The following TOM1L1 variants were observed in gnomAD, a reference collection of about 807,000 sequenced individuals.
TOM1L1 encodes target of myb1 like 1 membrane trafficking protein.
A neutral mutation model predicts 63.4 loss-of-function variants in TOM1L1; 64 were observed. The observed-to-expected ratio is 1.01, with a 90% CI of 0.83 to 1.24. The LOEUF (loss-of-function observed/expected upper bound fraction) is 1.24, where lower values mean the gene tolerates loss of function less well. Among genes scored for constraint, TOM1L1 ranks in the 50% most tolerant of loss-of-function variants. The pLI, the probability that TOM1L1 is intolerant of heterozygous loss-of-function variation, is 0.00. For synonymous variants in TOM1L1, 166 were observed against 194.4 expected (o/e 0.85, Z 1.22); for missense variants, 536 against 567.0 (o/e 0.95, Z 0.55).
rs148143284 is a variant in TOM1L1, at chr17:54,913,755, C to A, written c.380C>A (p.Ser127Ter). Residue 127 changes from serine (S) to a stop codon, truncating the protein, a stop_gained, in exon 5 of 16, where the codon TCA becomes TAA. Transcript: ENST00000575882. LOFTEE classifies it high-confidence loss of function. ...NRILNFIKTW[S>*]QGFPGGVDVS... ...TTCATCTCTTGAATTCAGACTTGGT[C>A]ACAGGGCTTCCCAGGAGGTGTGGAT... 4 of 1,603,074 alleles carry A rather than the reference C, an allele frequency of 2.5e-6. No individual in the cohort carries two copies. The highest frequency in any genetic ancestry group is 2.7e-5 in the African/African-American group (2 of 74,208).
intron 7 of TOM1L1, among the ~76,000 whole-genome samples, chr17:54,926,010 T>C (rs2048763321): frequency 6.6e-6 from 1 of 152,232 alleles, no homozygotes; most frequent in South Asian, 2.1e-4. Flanking sequence ...CTTTGGAACC[T>C]ATTCCTTGTC....
chr17:54,935,827 A>G (rs1010856683), intron 8 of TOM1L1, among the ~76,000 whole-genome samples: 2 of 152,172 alleles, frequency 1.3e-5, no homozygotes, highest in Non-Finnish European at 2.9e-5. Context: ...TGTCTTATAA[A>G]AATACACAGT....
chr17:54,919,824 ACT>A (rs2048652172), intron 7 of TOM1L1, among the ~76,000 whole-genome samples: 1 of 151,988 alleles, frequency 6.6e-6, no homozygotes, highest in Admixed American at 6.6e-5. Context: ...CATCTAAATA[ACT>A]CCACTATGGT....
chr17:54,944,354 G>C (rs2049082910), intron 11 of TOM1L1, among the ~76,000 whole-genome samples: 1 of 151,684 alleles, frequency 6.6e-6, no homozygotes, highest in South Asian at 2.1e-4. Context: ...GGAGGCTGAG[G>C]CATGAGAATT....
chr17:54,948,449 C>T (rs145810043), intron 12 of TOM1L1, among the ~76,000 whole-genome samples: 1 of 152,270 alleles, frequency 6.6e-6, no homozygotes, highest in African/African-American at 2.4e-5. Context: ...CACTCTATTC[C>T]AACCACACTG....
At chr17:54,935,904 C>T (rs908108634) in intron 8 of TOM1L1, among the ~76,000 whole-genome samples, 1 of 152,092 alleles carries the variant, frequency 6.6e-6, no homozygotes, top group African/African-American at 2.4e-5. Flanking sequence ...GGGCGGATCA[C>T]CTGAGGTCGG....
In TOM1L1 at chr17:54,938,966, C is replaced by T. The variant is rs775577326; in HGVS notation, c.1076C>T (p.Pro359Leu). The T allele has an allele frequency of 5.0e-6, 8 of 1,612,636 alleles. No individual in the cohort carries two copies. Among genetic ancestry groups the T allele is most frequent in the Admixed American group, 1.7e-5 (1 of 59,826 alleles). Reference protein sequence around the residue: ...PSSDVTNNLKPSLHPQMNLLA... With the variant: ...PSSDVTNNLKLSLHPQMNLLA... ...TCTGATGTAACAAACAACTTAAAAC[C>T]CAGTCTTCATCCACAGATGAACTTG... Residue 359 changes from proline to leucine, a missense_variant, in exon 11 of 16, where the codon CCC becomes CTC. By Grantham distance (98) the Pro-to-Leu change is moderately conservative (BLOSUM62 -3). Transcript: ENST00000575882.
intron 3 of TOM1L1, among the ~76,000 whole-genome samples, chr17:54,909,412 C>T (rs1555607572): frequency 6.6e-6 from 1 of 152,072 alleles, no homozygotes; most frequent in South Asian, 2.1e-4. Flanking sequence ...CCAGGTGTAG[C>T]TCTGATGGCC....
intron 7 of TOM1L1, among the ~76,000 whole-genome samples, chr17:54,918,609 C>G (rs1216195717): frequency 6.6e-6 from 1 of 152,142 alleles, no homozygotes; most frequent in African/African-American, 2.4e-5. Context: ...GCTACATAAC[C>G]AGGTCAGATT....
At chr17:54,915,912 T>C (rs760742091) in intron 7 of TOM1L1, 50 bp downstream of exon 7, 8 of 1,435,256 alleles carry the variant, frequency 5.6e-6, no homozygotes, top group Non-Finnish European at 7.8e-6. Context: ...TTAAAGTTAT[T>C]CTCTAAACTT....
At chr17:54,946,782 T>TA (rs2049126468) in intron 11 of TOM1L1, among the ~76,000 whole-genome samples, 2 of 152,234 alleles carry the variant, frequency 1.3e-5, no homozygotes, top group Non-Finnish European at 2.9e-5. Flanking sequence ...AGTTCAGTGA[T>TA]ACTTGAATTC....
chr17:54,924,116 G>C (rs186095312), intron 7 of TOM1L1, among the ~76,000 whole-genome samples: 4 of 151,984 alleles, frequency 2.6e-5, no homozygotes, highest in Admixed American at 6.6e-5. Flanking sequence ...AGCCCTTCTC[G>C]GTCGTCTTTA....
In TOM1L1 at chr17:54,905,521, G is replaced by A. The variant is rs896696737; in HGVS notation, c.176G>A (p.Arg59Lys). The A allele has an allele frequency of 1.9e-6, 3 of 1,611,754 alleles. No individual in the cohort carries two copies. The highest frequency in any genetic ancestry group is 2.5e-6 in the Non-Finnish European group (3 of 1,178,920). The change falls in exon 3 of 16, where the codon AGG (arginine) becomes AAG (lysine). Residue 59 changes from arginine to lysine, a missense_variant. By Grantham distance (26) the Arg-to-Lys change is conservative. Coordinates refer to ENST00000575882, the MANE Select transcript of TOM1L1 (RefSeq NM_005486.3). ...PKDAVKALKK[R>K]ISKNYNHKEI... ...GATGCAGTGAAAGCTTTGAAGAAAA[G>A]GATTTCCAAAAACTACAATCATAAA...
intron 14 of TOM1L1, among the ~76,000 whole-genome samples, chr17:54,951,219 C>T (rs1049850930): frequency 6.6e-6 from 1 of 152,202 alleles, no homozygotes; most frequent in African/African-American, 2.4e-5. Flanking sequence ...TTATAAAGGA[C>T]ATTGCAAAGG....
intron 8 of TOM1L1, among the ~76,000 whole-genome samples, chr17:54,933,855 A>G (rs2048904584): frequency 6.6e-6 from 1 of 152,164 alleles, no homozygotes; most frequent in Non-Finnish European, 1.5e-5. Flanking sequence ...TTCGGGAGAT[A>G]TGAGACATCA....
At position 54,915,941 on chromosome 17, in the gene TOM1L1, A is replaced by G. The variant is rs906617240; in HGVS notation, c.720+79A>G. 4 of 1,037,020 alleles carry G rather than the reference A, an allele frequency of 3.9e-6. No homozygotes were observed. The Middle Eastern group carries it at 8.2e-4, about 214-fold the overall frequency. The allele number at this position is 1,037,020 out of a possible 1,614,324, so 64.2% of individuals were successfully genotyped here. On this transcript the variant is annotated intron_variant, in intron 7 of 15. Transcript: ENST00000575882. Reference sequence around the variant, plus strand: ...TAAACTTTGAGTTTGGAGATGGAAGACACCTTAATATTGTCTAGTACATCC... The same window carrying G: ...TAAACTTTGAGTTTGGAGATGGAAGGCACCTTAATATTGTCTAGTACATCC...
intron 11 of TOM1L1, chr17:54,942,303 T>A (rs1215749139): frequency 6.6e-6 from 1 of 151,648 alleles, no homozygotes; most frequent in East Asian, 1.9e-4. Context: ...GACCTGGTTT[T>A]ACCATGTTGG....
rs181034674 is a variant in TOM1L1 at position 54,908,810 on chromosome 17, C to T, written c.222+3243C>T. On this transcript the variant is annotated intron_variant, in intron 3 of 15. Coordinates refer to ENST00000575882, the MANE Select transcript of TOM1L1 (RefSeq NM_005486.3). ...CTATTATTGTCAAATGGAAAGTGGT[C>T]GAACAGGTTCCTGAGAATCAATTAG... 2.2e-4 allele frequency among the ~76,000 whole-genome samples: 34 copies of T among 152,274 alleles called. No homozygotes were observed. The East Asian group carries it at 6.4e-3, about 28-fold the overall frequency.
chr17:54,944,391 A>G (rs1198270018), intron 11 of TOM1L1, among the ~76,000 whole-genome samples: 2 of 151,772 alleles, frequency 1.3e-5, no homozygotes, highest in East Asian at 3.9e-4. Flanking sequence ...CGGAGGTTGC[A>G]GTGAGCCAAG....
Sources: gnomAD v4.1 joint callset for allele counts (sites outside exome capture counted in the v4.1 genomes callset) on GRCh38, gnomAD v4.1.1 for gene constraint, MANE v1.5 for transcripts, NCBI Gene and HGNC (gene_info 2026-07-23, HGNC 2026-07-21) for gene names.